The following NCAM1 variants were observed in gnomAD, a reference collection of about 807,000 sequenced individuals.
NCAM1 encodes the protein antigen recognized by monoclonal antibody 5.1H11.
Under a neutral mutation model 109.8 loss-of-function variants are expected in NCAM1, and 14 were observed. That is an observed-to-expected ratio of 0.13 (90% CI 0.08 to 0.20). The LOEUF (loss-of-function observed/expected upper bound fraction) is 0.20, where lower values mean the gene tolerates loss of function less well. Among genes scored for constraint, NCAM1 ranks in the 10% least tolerant of loss-of-function variants. NCAM1 has a pLI of 1.00. For missense variants in NCAM1, 774 were observed against 1,109.9 expected (o/e 0.70, Z 4.30); for synonymous variants, 418 against 442.9 (o/e 0.94, Z 0.70).
chr11:113,177,431 C>CTTG (rs559548270), intron 1 of NCAM1, among the ~76,000 whole-genome samples: 290 of 152,052 alleles, frequency 1.9e-3, no homozygotes, highest in Middle Eastern at 3.4e-3. Context: ...CGTATTATGT[C>CTTG]TTGTTGTTGT....
intron 8 of NCAM1, among the ~76,000 whole-genome samples, chr11:113,218,079 T>C (rs1555114642): frequency 6.6e-6 from 1 of 152,160 alleles, no homozygotes; most frequent in Non-Finnish European, 1.5e-5. Flanking sequence ...AGTAAAGTAG[T>C]AGAGTAGTCA....
chr11:112,999,890 A>T (rs1447626641), intron 1 of NCAM1, among the ~76,000 whole-genome samples: 1 of 152,242 alleles, frequency 6.6e-6, no homozygotes, highest in Non-Finnish European at 1.5e-5. Context: ...GTTTACTTAC[A>T]TTAAAACATC....
At chr11:113,252,851 A>G (rs1216303011) in intron 15 of NCAM1, among the ~76,000 whole-genome samples, 3 of 110,190 alleles carry the variant, frequency 2.7e-5, no homozygotes, top group African/African-American at 7.3e-5. Context: ...GAGTTTCACT[A>G]TGTTGGCCAG....
At chr11:113,187,561 T>TTG (rs1555109100) in intron 1 of NCAM1, among the ~76,000 whole-genome samples, 1 of 95,322 alleles carries the variant, frequency 1.0e-5, no homozygotes, top group Non-Finnish European at 2.1e-5. Flanking sequence ...GTGTGTGTGT[T>TTG]TCTGTGTGTG....
chr11:113,235,262 A>G, intron 14 of NCAM1, 98 bp downstream of exon 14: 1 of 1,606,842 alleles, frequency 6.2e-7, no homozygotes. Flanking sequence ...TTCAGACCAC[A>G]GCTTTTTGTC....
In NCAM1 at chr11:113,232,788, C is replaced by T; in HGVS notation, c.1496C>T (p.Ser499Phe). The T allele has an allele frequency of 6.2e-7, 1 of 1,613,836 alleles. No individual in the cohort carries two copies. The highest frequency in any genetic ancestry group is 8.5e-7 in the Non-Finnish European group (1 of 1,179,796). The change falls in exon 12 of 20, where the codon TCC becomes TTC. Residue 499 changes from serine to phenylalanine, a missense_variant. By Grantham distance (155) the Ser-to-Phe change is radical. Coordinates refer to ENST00000316851, the MANE Select transcript of NCAM1 (RefSeq NM_181351.5). ...CTAVNRIGQE[S>F]LEFILVQADT... is the part of the protein sequence containing the mutation. Reference sequence around the variant, plus strand: ...GCAGTGAACCGCATTGGGCAGGAGTCCTTGGAATTCATCCTTGTTCAAGCA... The same window carrying T: ...GCAGTGAACCGCATTGGGCAGGAGTTCTTGGAATTCATCCTTGTTCAAGCA...
At chr11:113,152,773 C>G (rs1461985082) in intron 1 of NCAM1, among the ~76,000 whole-genome samples, 7 of 152,144 alleles carry the variant, frequency 4.6e-5, no homozygotes, top group African/African-American at 1.7e-4. Flanking sequence ...AGGAAACAAG[C>G]AAGTACACAA....
intron 1 of NCAM1, among the ~76,000 whole-genome samples, chr11:113,083,984 A>G (rs1271105535): frequency 1.3e-5 from 2 of 152,216 alleles, no homozygotes; most frequent in East Asian, 3.8e-4. Context: ...TGGGGAGGGA[A>G]TAGAAATGAA....
At chr11:113,062,738 G>A (rs569371479) in intron 1 of NCAM1, among the ~76,000 whole-genome samples, 98 of 152,278 alleles carry the variant, frequency 6.4e-4, no homozygotes, top group South Asian at 1.9e-3. Context: ...TTGGGAAGCC[G>A]AGGCAGGAGG....
intron 1 of NCAM1, among the ~76,000 whole-genome samples, chr11:113,147,573 G>A (rs888263000): frequency 6.6e-6 from 1 of 152,164 alleles, no homozygotes; most frequent in African/African-American, 2.4e-5. Context: ...TCTGCTAATG[G>A]GAGATTCAGA....
intron 17 of NCAM1, among the ~76,000 whole-genome samples, chr11:113,268,536 G>C (rs1946190668): frequency 6.6e-6 from 1 of 152,184 alleles, no homozygotes; most frequent in African/African-American, 2.4e-5. Context: ...TCATTTGTGA[G>C]GGATCCTCTC....
intron 1 of NCAM1, among the ~76,000 whole-genome samples, chr11:113,028,570 G>A (rs1258218774): frequency 2.0e-5 from 3 of 152,112 alleles, no homozygotes; most frequent in African/African-American, 4.8e-5. Context: ...TAATACCTTA[G>A]TTTCTTTGTC....
chr11:113,027,483 T>C (rs1357605752), intron 1 of NCAM1, among the ~76,000 whole-genome samples: 1 of 152,222 alleles, frequency 6.6e-6, no homozygotes, highest in Non-Finnish European at 1.5e-5. Context: ...AATTTTGGTC[T>C]TCATCAAGAC....
intron 1 of NCAM1, among the ~76,000 whole-genome samples, chr11:113,146,329 A>T (rs573859508): frequency 1.0e-3 from 156 of 152,352 alleles, no homozygotes; most frequent in Middle Eastern, 0.01. Flanking sequence ...TCTGAAAATG[A>T]ACATAAATTT....
intron 1 of NCAM1, among the ~76,000 whole-genome samples, chr11:113,148,032 CAATT>C (rs1236459192): frequency 1.3e-5 from 2 of 152,154 alleles, no homozygotes; most frequent in Non-Finnish European, 2.9e-5. Context: ...TGTCTTACAA[CAATT>C]AATCCTAAAA....
chr11:113,040,784 G>C (rs576166604), intron 1 of NCAM1: 4 of 152,150 alleles, frequency 2.6e-5, no homozygotes, highest in Non-Finnish European at 5.9e-5. Flanking sequence ...GGTTGGTTTA[G>C]AAAATGAAAG....
At chr11:113,165,783 G>A (rs887922392) in intron 1 of NCAM1, among the ~76,000 whole-genome samples, 20 of 151,260 alleles carry the variant, frequency 1.3e-4, no homozygotes, top group African/African-American at 1.9e-4. Context: ...CGCCTGGTCC[G>A]GTTTCTCTTG....
intron 1 of NCAM1, among the ~76,000 whole-genome samples, chr11:112,964,411 G>T (rs1230390712): frequency 6.6e-6 from 1 of 152,110 alleles, no homozygotes; most frequent in Non-Finnish European, 1.5e-5. Flanking sequence ...TCGCTTGAAC[G>T]ATCTGGAATG....
At chr11:113,166,208 T>C (rs1942792033) in intron 1 of NCAM1, among the ~76,000 whole-genome samples, 1 of 151,888 alleles carries the variant, frequency 6.6e-6, no homozygotes, top group Non-Finnish European at 1.5e-5. Flanking sequence ...ATCAGAAAAA[T>C]AGCAAAAAGG....
Sources: allele counts gnomAD v4.1 joint callset (sites outside exome capture counted in the v4.1 genomes callset), GRCh38; gene constraint gnomAD v4.1.1; transcripts MANE v1.5; gene names NCBI Gene and HGNC (gene_info 2026-07-23, HGNC 2026-07-21).